The following KCNH3 variants were observed in gnomAD, a reference collection of about 807,000 sequenced individuals.
The protein encoded by KCNH3 is potassium voltage-gated channel subfamily H member 3, also known as voltage-gated inwardly rectifying potassium channel KCNH3.
In KCNH3, 36 loss-of-function variants were observed where a neutral mutation model predicts 95.6. The observed-to-expected ratio is 0.38, with a 90% CI of 0.29 to 0.50. KCNH3 has a LOEUF of 0.50. Ranked by LOEUF, KCNH3 falls within the 20% of genes least tolerant of loss-of-function variation. The pLI is 0.95. For synonymous variants in KCNH3, 620 were observed against 646.3 expected (o/e 0.96, Z 0.62); for missense variants, 1,030 against 1,484.1 (o/e 0.69, Z 5.03).
At position 49,557,381 on chromosome 12, in the gene KCNH3, C is replaced by T; in HGVS notation, c.2680C>T (p.Gln894Ter). The change falls in exon 15 of 15, where the codon CAG (glutamine) becomes TAG (stop). Residue 894 changes from glutamine to a stop codon, truncating the protein, a stop_gained. Coordinates refer to ENST00000257981, the MANE Select transcript of KCNH3 (RefSeq NM_012284.3). LOFTEE classifies it high-confidence loss of function. ...GACAGAGCTGTCAGAGCAGGTGCTG[C>T]AGATGCGGGAAGGACTGCAGTCACT... ...AVTELSEQVL[Q>*]MREGLQSLRQ... is the part of the protein sequence containing the mutation. 6.2e-7 allele frequency: 1 copy of T among 1,601,206 alleles called. No individual in the cohort carries two copies. Among genetic ancestry groups the T allele is most frequent in the Non-Finnish European group, 8.5e-7 (1 of 1,171,406 alleles).
In KCNH3 at chr12:49,557,676, C is replaced by G; in HGVS notation, c.2975C>G (p.Ala992Gly). The G allele has an allele frequency of 6.2e-7, 1 of 1,613,832 alleles. No homozygotes were observed. The highest frequency in any genetic ancestry group is 1.3e-5 in the African/African-American group (1 of 75,060). ...SQSSPWPRAT[A>G]FWTSTSDSEP... The stretch of plus-strand genomic sequence containing the variant: ...AGCTCCCCCTGGCCTCGAGCCACAG[C>G]TTTCTGGACCTCCACCTCAGACTCA... Residue 992 changes from alanine to glycine, a missense_variant, in exon 15 of 15, where the codon GCT becomes GGT. By Grantham distance (60) the Ala-to-Gly change is moderately conservative. This residue lies in a region of KCNH3 where 464 missense variants were observed against 493.2 expected (regional missense o/e 0.94). Transcript: ENST00000257981.
Position 49,549,031 on chromosome 12 carries a change from G to C in KCNH3, c.1326G>C (p.Leu442=). The C allele has an allele frequency of 6.2e-7, 1 of 1,612,048 alleles. No individual in the cohort carries two copies. Among genetic ancestry groups the C allele is most frequent in the Non-Finnish European group, 8.5e-7 (1 of 1,179,604 alleles). Residue 442 remains leucine (L), a synonymous_variant, in exon 8 of 15, where the codon CTG becomes CTC. Transcript: ENST00000257981. ...AGGCCAACGGGACGGGGCTGGAGCT[G>C]CTGGGCGGCCCGTCGCTGCGCAGCG... ...SSEANGTGLE[L]LGGPSLRSAY...
rs979717985 is a variant in KCNH3 at position 49,555,967 on chromosome 12, GC to G, written c.2468+21del. 1.7e-5 allele frequency: 22 copies of G among 1,288,870 alleles called. No homozygotes were observed. The highest frequency in any genetic ancestry group is 2.2e-5 in the Non-Finnish European group (20 of 919,344). 79.8% of individuals were successfully genotyped at this position (1,288,870 alleles called of 1,614,324 possible). A position where few individuals can be genotyped will look rare whatever the true frequency, so the allele number is the denominator to read the frequency against. On this transcript the variant is annotated intron_variant, in intron 12 of 14. Coordinates refer to ENST00000257981, the MANE Select transcript of KCNH3 (RefSeq NM_012284.3). The stretch of plus-strand genomic sequence containing the variant: ...TGAGCCCCAGGTGAGCAGACCCTAG[GC>G]CCCCGTGGCAGAGATGGTGGTGATG...
chr12:49,556,749 G>C, intron 13 of KCNH3: 1 of 679,830 alleles, frequency 1.5e-6, no homozygotes, highest in Non-Finnish European at 2.7e-6. Flanking sequence ...CCAGCTTCCT[G>C]TCTGTAAAAA....
At chr12:49,541,958 T>A (rs1423404068) in intron 3 of KCNH3, among the ~76,000 whole-genome samples, 194 bp downstream of exon 3, 1 of 152,186 alleles carries the variant, frequency 6.6e-6, no homozygotes, top group Non-Finnish European at 1.5e-5. Context: ...AATAGACAGA[T>A]TGAGACAAAG....
In KCNH3 at chr12:49,539,632, G is replaced by A; in HGVS notation, c.76+140G>A. The A allele has an allele frequency of 1.4e-6, 1 of 705,326 alleles. No homozygotes were observed. Among genetic ancestry groups the A allele is most frequent in the Non-Finnish European group, 2.3e-6 (1 of 438,294 alleles). The allele number at this position is 705,326 out of a possible 1,614,324, so 43.7% of individuals were successfully genotyped here. ...CCCTACCCGCCCCTCTTGAGGCTGG[G>A]GCCATCGTCTCCTGCTAGGCGCTGT... is the stretch of plus-strand genomic sequence containing the variant. On this transcript the variant is annotated intron_variant, in intron 1 of 14. Coordinates refer to ENST00000257981, the MANE Select transcript of KCNH3 (RefSeq NM_012284.3). The surrounding 1 kb of genome is among the most constrained non-coding windows in gnomAD (Gnocchi z 6.7).
At position 49,548,968 on chromosome 12, in the gene KCNH3, C is replaced by T. The variant is rs187586687; in HGVS notation, c.1263C>T (p.Asn421=). ...TGGGCCGGAGGCCAGCTGGAGGGAA[C>T]AGCTCCGGCCAGAGTGACAACTGCA... ...YLVGRRPAGG[N]SSGQSDNCSS... The change falls in exon 8 of 15, where the codon AAC becomes AAT. Residue 421 remains asparagine, a synonymous_variant. Coordinates refer to ENST00000257981, the MANE Select transcript of KCNH3 (RefSeq NM_012284.3). 1.2e-6 allele frequency: 2 copies of T among 1,609,480 alleles called. No homozygotes were observed. The highest frequency in any genetic ancestry group is 2.2e-5 in the East Asian group (1 of 44,758).
chr12:49,543,346 G>A lies in KCNH3; in HGVS notation c.651G>A (p.Leu217=). ...VAAIRKSPFI[L]LHCGALRATW... is the part of the protein sequence containing the mutation. ...CCATCCGGAAGTCGCCCTTCATCCT[G>A]TTGCACTGTGGGGCACTGAGAGCCA... is the stretch of plus-strand genomic sequence containing the variant. The change falls in exon 5 of 15, where the codon CTG becomes CTA. Residue 217 remains leucine, a synonymous_variant. Transcript: ENST00000257981. 6.2e-7 allele frequency: 1 copy of A among 1,613,724 alleles called. No individual in the cohort carries two copies. Among genetic ancestry groups the A allele is most frequent in the South Asian group, 1.1e-5 (1 of 91,088 alleles).
At chr12:49,544,629 T>G (rs1278585049) in intron 7 of KCNH3, among the ~76,000 whole-genome samples, 1 of 152,054 alleles carries the variant, frequency 6.6e-6, no homozygotes, top group Non-Finnish European at 1.5e-5. Flanking sequence ...TGTGGCCAAA[T>G]GTTGGTCACA....
Position 49,554,401 on chromosome 12 carries a change from C to T in KCNH3, c.1983C>T (p.Asp661=), listed in dbSNP as rs111743065. The T allele has an allele frequency of 7.4e-5, 119 of 1,613,278 alleles. 2 individuals carry two copies. In the African/African-American group the frequency reaches 8.7e-4, roughly 12 times the overall value. Residue 661 remains aspartate (D), a synonymous_variant, in exon 11 of 15, where the codon GAC becomes GAT. Coordinates refer to ENST00000257981, the MANE Select transcript of KCNH3 (RefSeq NM_012284.3). ...RREQVVKANA[D]VKGLTYCVLQ... ...AGCAGGTGGTAAAGGCCAATGCCGACGTGAAGGGGCTGACGTACTGCGTCC... is the reference window on the plus strand; with the variant it reads ...AGCAGGTGGTAAAGGCCAATGCCGATGTGAAGGGGCTGACGTACTGCGTCC...
At position 49,556,001 on chromosome 12, in the gene KCNH3, G is replaced by A. The variant is rs147768692; in HGVS notation, c.2468+50G>A. ...GCAGAGATGGTGGTGATGAGGCTGA[G>A]GCCCTGGGCAGGCGCACCCTGCCCT... is the stretch of plus-strand genomic sequence containing the variant. On this transcript the variant is annotated intron_variant, in intron 12 of 14. Transcript: ENST00000257981. 394 of 923,402 alleles carry A rather than the reference G, an allele frequency of 4.3e-4. 1 individual carries two copies. The African/African-American group carries it at 5.9e-3, about 14-fold the overall frequency. 57.2% of individuals were successfully genotyped at this position (923,402 alleles called of 1,614,324 possible). A position where few individuals can be genotyped will look rare whatever the true frequency, so the allele number is the denominator to read the frequency against.
Position 49,548,974 on chromosome 12 carries a change from C to T in KCNH3, c.1269C>T (p.Ser423=), listed in dbSNP as rs778436148. ...GGAGGCCAGCTGGAGGGAACAGCTC[C>T]GGCCAGAGTGACAACTGCAGCAGCA... ...VGRRPAGGNS[S]GQSDNCSSSS... Residue 423 remains serine (S), a synonymous_variant, in exon 8 of 15, where the codon TCC becomes TCT. Transcript: ENST00000257981. The T allele has an allele frequency of 1.5e-5, 24 of 1,610,096 alleles. No individual in the cohort carries two copies. The highest frequency in any genetic ancestry group is 3.3e-5 in the Admixed American group (2 of 59,812).
Position 49,555,941 on chromosome 12 carries a change from C to A in KCNH3, c.2458C>A (p.Leu820Met). 6 of 1,543,384 alleles carry A rather than the reference C, an allele frequency of 3.9e-6. No individual in the cohort carries two copies. Among genetic ancestry groups the A allele is most frequent in the Non-Finnish European group, 5.3e-6 (6 of 1,130,874 alleles). Residue 820 changes from leucine (L) to methionine (M), a missense_variant, in exon 12 of 15, where the codon CTG (leucine) becomes ATG (methionine). Leu to Met is a conservative substitution (Grantham distance 15). Transcript: ENST00000257981. ...CATGCCATGGAATGTGCCCCCAGAT[C>A]TGAGCCCCAGGTGAGCAGACCCTAG... ...PPMPWNVPPDLSPRVVDGIED... is the reference protein window; with the variant it reads ...PPMPWNVPPDMSPRVVDGIED...
chr12:49,555,169 G>A (rs1328702976), intron 11 of KCNH3, among the ~76,000 whole-genome samples: 5 of 151,912 alleles, frequency 3.3e-5, no homozygotes, highest in African/African-American at 4.8e-5. Flanking sequence ...GGCCGGGCGC[G>A]GTGGCCCACG....
intron 1 of KCNH3, among the ~76,000 whole-genome samples, chr12:49,540,228 C>A (rs7952938): frequency 0.4 from 60,043 of 151,912 alleles, 15,178 homozygotes; most frequent in African/African-American, 0.72. Flanking sequence ...GGAGCCCAGC[C>A]CTGCGCTCTC....
chr12:49,551,163 G>A (rs1008016993), intron 10 of KCNH3, among the ~76,000 whole-genome samples: 5 of 152,244 alleles, frequency 3.3e-5, no homozygotes, highest in Non-Finnish European at 7.3e-5. Flanking sequence ...GGTGCTCTGG[G>A]GGGAATTGGG....
At position 49,549,548 on chromosome 12, in the gene KCNH3, C is replaced by T. The variant is rs1938187241; in HGVS notation, c.1576C>T (p.Arg526Cys). ...CACGCGCGACCTGCGCGACTACATC[C>T]GCATCCACCGTATCCCCAAGCCCCT... ...SRTRDLRDYI[R>C]IHRIPKPLKQ... Residue 526 changes from arginine (R) to cysteine (C), a missense_variant, in exon 9 of 15, where the codon CGC becomes TGC. Coordinates refer to ENST00000257981, the MANE Select transcript of KCNH3 (RefSeq NM_012284.3). 6.2e-7 allele frequency: 1 copy of T among 1,613,606 alleles called. No homozygotes were observed. The highest frequency in any genetic ancestry group is 8.5e-7 in the Non-Finnish European group (1 of 1,180,046).
intron 5 of KCNH3, 25 bp downstream of exon 5, chr12:49,543,543 C>T (rs1937946174): frequency 1.3e-6 from 2 of 1,580,584 alleles, no homozygotes; most frequent in African/African-American, 1.3e-5. Flanking sequence ...CCCCTTCCGC[C>T]CCACCCTTTG....
Position 49,558,130 on chromosome 12 carries a change from G to A in KCNH3, c.*177G>A. On this transcript the variant is annotated 3_prime_UTR_variant, in exon 15 of 15. Coordinates refer to ENST00000257981, the MANE Select transcript of KCNH3 (RefSeq NM_012284.3). The stretch of plus-strand genomic sequence containing the variant: ...CCTGACTCTCAGAGAGGATAGGCTG[G>A]ATCCCTGGGGCAGGCCTCTCCTCGG... 2.6e-5 allele frequency: 16 copies of A among 621,864 alleles called. No individual in the cohort carries two copies. The highest frequency in any genetic ancestry group is 3.8e-5 in the Non-Finnish European group (16 of 418,862). 38.5% of individuals were successfully genotyped at this position (621,864 alleles called of 1,614,324 possible). A position where few individuals can be genotyped will look rare whatever the true frequency, so the allele number is the denominator to read the frequency against.
Sources: gnomAD v4.1 joint callset for allele counts (sites outside exome capture counted in the v4.1 genomes callset) on GRCh38, gnomAD v4.1.1 for gene constraint, gnomAD v4.1.1 regional missense constraint, Gnocchi (gnomAD v3.1) non-coding constraint, MANE v1.5 for transcripts, NCBI Gene and HGNC (gene_info 2026-07-23, HGNC 2026-07-21) for gene names.